Variants in PRR5 observed in about 807,000 individuals in gnomAD.
PRR5 encodes the protein proline rich 5.
PRR5 carries 25 observed loss-of-function variants against 30.6 expected under a neutral mutation model. The observed-to-expected ratio is 0.82, with a 90% CI of 0.60 to 1.14. The LOEUF is 1.14. PRR5 is among the 50% of genes most tolerant of loss of function. PRR5 has a pLI of 0.00. For missense variants in PRR5, 600 were observed against 547.1 expected, an observed-to-expected ratio of 1.10 and a Z score of -0.96; for synonymous variants, 286 against 247.1, an observed-to-expected ratio of 1.16 and a Z score of -1.48.
chr22:44,728,146 G>C (rs1213297663), intron 4 of PRR5, among the ~76,000 whole-genome samples: 2 of 152,176 alleles, frequency 1.3e-5, no homozygotes, highest in Non-Finnish European at 2.9e-5. Context: ...CCCAGCAGAA[G>C]GGGCAGAGGA....
intron 2 of PRR5, among the ~76,000 whole-genome samples, chr22:44,721,684 C>T (rs1929956136): frequency 6.6e-6 from 1 of 152,202 alleles, no homozygotes; most frequent in African/African-American, 2.4e-5. Flanking sequence ...TGCCTCCAGA[C>T]CCTACTCTCC....
chr22:44,708,538 G>A (rs1927602685), intron 1 of PRR5, among the ~76,000 whole-genome samples: 1 of 152,132 alleles, frequency 6.6e-6, no homozygotes, highest in African/African-American at 2.4e-5. Context: ...GCAACACCGT[G>A]CTCCCCATTA....
At chr22:44,720,250 TG>T (rs1166621321) in intron 2 of PRR5, among the ~76,000 whole-genome samples, 1 of 152,214 alleles carries the variant, frequency 6.6e-6, no homozygotes, top group Non-Finnish European at 1.5e-5. Context: ...AGGTGCTGTT[TG>T]GATTTAAGCT....
chr22:44,696,110 G>A (rs1389509132), intron 1 of PRR5, among the ~76,000 whole-genome samples: 1 of 151,832 alleles, frequency 6.6e-6, no homozygotes. Flanking sequence ...TTTTAGTAGA[G>A]ATGGGGTTTC....
chr22:44,714,024 C>G (rs925435373), intron 1 of PRR5, among the ~76,000 whole-genome samples: 2 of 151,890 alleles, frequency 1.3e-5, no homozygotes, highest in Non-Finnish European at 2.9e-5. Flanking sequence ...AGGATGATCT[C>G]GATCTCCTGA....
rs115302210 is a variant in PRR5 at position 44,685,013 on chromosome 22, A to G, written c.-11+7773A>G. ...GGCCGCTGGGGTTACTGACCGTGGGAAGCGTGTAGCTCCAGAGTCACAGCT... is the reference window on the plus strand; with the variant it reads ...GGCCGCTGGGGTTACTGACCGTGGGGAGCGTGTAGCTCCAGAGTCACAGCT... On this transcript the variant is annotated intron_variant, in intron 1 of 8. Coordinates refer to the PRR5 transcript ENST00000006251. Among the ~76,000 whole-genome samples the G allele has an allele frequency of 7.0e-3, 1,064 of 152,266 alleles. 11 individuals are homozygous for G. The highest frequency in any genetic ancestry group is 0.025 in the African/African-American group (1,031 of 41,534).
At chr22:44,730,390 A>G (rs1428087664) in intron 4 of PRR5, 1 of 985,044 alleles carries the variant, frequency 1.0e-6, no homozygotes, top group African/African-American at 1.7e-5. Context: ...TGGACTGTGC[A>G]TCCCTGGACC....
chr22:44,729,106 G>T (rs1040130930), intron 4 of PRR5, among the ~76,000 whole-genome samples: 1 of 152,156 alleles, frequency 6.6e-6, no homozygotes, highest in African/African-American at 2.4e-5. Context: ...ATCTGCCGTC[G>T]CTCATCCACC....
At chr22:44,693,645 G>GTT (rs1925483619) in intron 1 of PRR5, among the ~76,000 whole-genome samples, 9 of 126,486 alleles carry the variant, frequency 7.1e-5, no homozygotes, top group South Asian at 2.8e-4. Context: ...TTTTTCTGAG[G>GTT]TGGAGTCTTG....
intron 4 of PRR5, chr22:44,730,764 C>T: frequency 2.6e-6 from 2 of 761,278 alleles, no homozygotes; most frequent in Non-Finnish European, 1.7e-6. Flanking sequence ...GAAGGGGTCT[C>T]CGTGGATCCC....
At chr22:44,681,680 GTTGAACTTTGT>G (rs1039170987) in intron 1 of PRR5, among the ~76,000 whole-genome samples, 1 of 152,182 alleles carries the variant, frequency 6.6e-6, no homozygotes, top group African/African-American at 2.4e-5. Context: ...GAGGATGGCT[GTTGAACTTTGT>G]TTGACTCTGT....
intron 1 of PRR5, among the ~76,000 whole-genome samples, chr22:44,695,293 A>G (rs894436827): frequency 2.0e-5 from 3 of 152,232 alleles, no homozygotes; most frequent in South Asian, 2.1e-4. Context: ...ATGTTCAGGG[A>G]CAAAGAAAGA....
At chr22:44,695,868 G>T (rs74666121) in intron 1 of PRR5, among the ~76,000 whole-genome samples, 3,481 of 144,360 alleles carry the variant, frequency 0.024, 45 homozygotes, top group Middle Eastern at 0.039. Context: ...CCCAAAGTGC[G>T]CCCAGCCTGT....
intron 3 of PRR5, among the ~76,000 whole-genome samples, chr22:44,725,995 C>A (rs1920938362): frequency 6.6e-6 from 1 of 152,214 alleles, no homozygotes. Flanking sequence ...GGTGGCATAA[C>A]ACGGCCTGCG....
chr22:44,689,863 G>T (rs1003988745), intron 1 of PRR5, among the ~76,000 whole-genome samples: 6 of 152,190 alleles, frequency 3.9e-5, no homozygotes, highest in African/African-American at 1.4e-4. Flanking sequence ...TGGTCAGGCT[G>T]GTCTCGAACT....
At chr22:44,705,007 G>T (rs1158532257) in intron 1 of PRR5, among the ~76,000 whole-genome samples, 2 of 152,204 alleles carry the variant, frequency 1.3e-5, no homozygotes, top group African/African-American at 4.8e-5. Context: ...GGACAGGCGT[G>T]TCATTCTGCA....
At chr22:44,699,046 A>G (rs1926019466), upstream of PRR5, among the ~76,000 whole-genome samples, 2 of 152,082 alleles carry the variant, frequency 1.3e-5, no homozygotes, top group Admixed American at 6.5e-5. Flanking sequence ...CAGATTTTAC[A>G]CATCTGTGGC....
chr22:44,675,767 T>TATTATTATC (rs1179888298), upstream of PRR5, among the ~76,000 whole-genome samples: 5 of 133,872 alleles, frequency 3.7e-5, no homozygotes, highest in African/African-American at 1.6e-4. Flanking sequence ...CTGTTGTTAT[T>TATTATTATC]ATTATTATTA....
intron 1 of PRR5, among the ~76,000 whole-genome samples, chr22:44,687,168 A>G (rs1436823170): frequency 4.6e-5 from 7 of 152,194 alleles, no homozygotes; most frequent in Admixed American, 1.3e-4. Flanking sequence ...GATATAGAAC[A>G]CTTGTACATA....
Sources: allele counts gnomAD v4.1 joint callset (sites outside exome capture counted in the v4.1 genomes callset), GRCh38; gene constraint gnomAD v4.1.1; transcripts MANE v1.5; gene names NCBI Gene and HGNC (gene_info 2026-07-23, HGNC 2026-07-21).